Variants in CCDC178 observed in about 807,000 individuals in gnomAD.
CCDC178 encodes coiled-coil domain-containing protein 178.
CCDC178 carries 126 observed loss-of-function variants against 117.4 expected under a neutral mutation model. The ratio of observed to expected loss-of-function variants is 1.07; its 90% CI spans 0.93 to 1.24. The LOEUF (loss-of-function observed/expected upper bound fraction) is 1.24. CCDC178 is among the 50% of genes most tolerant of loss of function. The pLI, the probability that CCDC178 is intolerant of heterozygous loss-of-function variation, is 0.00. For missense variants in CCDC178, 1,030 were observed against 986.9 expected (o/e 1.04, Z -0.59); for synonymous variants, 283 against 313.4 (o/e 0.90, Z 1.02).
In CCDC178 at chr18:33,370,051, CT is replaced by C; in HGVS notation, c.346del (p.Arg116GlyfsTer18). The C allele has an allele frequency of 6.3e-7, 1 of 1,578,240 alleles. No individual in the cohort carries two copies. The highest frequency in any genetic ancestry group is 8.6e-7 in the Non-Finnish European group (1 of 1,164,938). ...VESKIQEHLK[R>X]FETSFEEWSR... ...CAGCATTTTAAATTAGTCTCTTACC[CT>C]TTTCAAATGCTCCTGTATTTTGGAC... is the stretch of plus-strand genomic sequence containing the variant. On this transcript the variant is annotated frameshift_variant and splice_region_variant, in exon 6 of 23. Transcript: ENST00000383096. LOFTEE classifies it high-confidence loss of function.
intron 21 of CCDC178, among the ~76,000 whole-genome samples, chr18:33,022,679 A>G (rs1053794108): frequency 4.1e-4 from 62 of 152,174 alleles, no homozygotes; most frequent in Non-Finnish European, 8.4e-4. Flanking sequence ...TGAGAAATGA[A>G]AACAGAAAAC....
chr18:33,142,938 T>A (rs2058225034), intron 20 of CCDC178, among the ~76,000 whole-genome samples: 1 of 152,156 alleles, frequency 6.6e-6, no homozygotes, highest in Non-Finnish European at 1.5e-5. Flanking sequence ...TGTCAAGGTA[T>A]CCATATTTTT....
chr18:33,306,412 TTGTGTGTGTGTGTGTGTGTGTG>T (rs71159815), intron 11 of CCDC178, among the ~76,000 whole-genome samples: 1 of 126,252 alleles, frequency 7.9e-6, no homozygotes, highest in African/African-American at 3.0e-5. Flanking sequence ...TATTGGATCT[TTGTGTGTGTGTGTGTGTGTGTG>T]TGTGTGTGTG....
chr18:32,957,612 TAAC>T (rs923534947), intron 22 of CCDC178, among the ~76,000 whole-genome samples: 19 of 152,214 alleles, frequency 1.2e-4, no homozygotes, highest in Non-Finnish European at 2.1e-4. Context: ...AATCAATTTT[TAAC>T]AACATTAGGA....
intron 22 of CCDC178, among the ~76,000 whole-genome samples, chr18:32,958,399 C>T (rs1311604666): frequency 6.6e-6 from 1 of 152,178 alleles, no homozygotes; most frequent in African/African-American, 2.4e-5. Flanking sequence ...AAACCAGTGT[C>T]TTTAAATAAG....
chr18:33,407,692 AATAG>A (rs1433626833), intron 3 of CCDC178, among the ~76,000 whole-genome samples: 7 of 152,038 alleles, frequency 4.6e-5, no homozygotes, highest in Non-Finnish European at 1.0e-4. Context: ...TATTTAACCA[AATAG>A]ATTTTTAAAA....
intron 21 of CCDC178, among the ~76,000 whole-genome samples, chr18:33,056,581 T>C (rs117004863): frequency 0.013 from 2,012 of 152,160 alleles, 25 homozygotes; most frequent in Non-Finnish European, 0.021. Flanking sequence ...GGATAAATAA[T>C]AAAAGTGAGA....
intron 20 of CCDC178, among the ~76,000 whole-genome samples, chr18:33,101,726 G>A (rs555022582): frequency 6.6e-6 from 1 of 152,052 alleles, no homozygotes; most frequent in East Asian, 1.9e-4. Context: ...TGCAGAAATT[G>A]TAAGAACAGT....
At position 33,230,052 on chromosome 18, in the gene CCDC178, CA is replaced by C. The variant is rs1270530700; in HGVS notation, c.1594-3198del. ...TGAAATACTGATTGCCTACATTGGG[CA>C]AAATCCTCTAACCTAAGGCTATTTT... On this transcript the variant is annotated intron_variant, in intron 15 of 22. Transcript: ENST00000383096. 2.0e-5 allele frequency among the ~76,000 whole-genome samples: 3 copies of C among 152,242 alleles called. No individual in the cohort carries two copies. In the East Asian group the frequency reaches 5.8e-4, roughly 29 times the overall value.
chr18:33,031,025 T>C (rs912404889), intron 21 of CCDC178, among the ~76,000 whole-genome samples: 2 of 152,124 alleles, frequency 1.3e-5, no homozygotes, highest in Admixed American at 1.3e-4. Context: ...TGTTAAGTCC[T>C]GGAGTCCAAA....
chr18:33,116,131 A>G (rs2145145490), intron 20 of CCDC178, among the ~76,000 whole-genome samples: 1 of 152,216 alleles, frequency 6.6e-6, no homozygotes, highest in East Asian at 1.9e-4. Context: ...GCACAGATTT[A>G]CCAACCCAGG....
chr18:33,331,199 T>C (rs2062664538), intron 10 of CCDC178, among the ~76,000 whole-genome samples: 1 of 152,012 alleles, frequency 6.6e-6, no homozygotes, highest in South Asian at 2.1e-4. Flanking sequence ...AAAACACATA[T>C]AGACAAAATT....
chr18:33,323,956 C>T (rs2062551928), intron 10 of CCDC178, among the ~76,000 whole-genome samples: 1 of 151,718 alleles, frequency 6.6e-6, no homozygotes, highest in Non-Finnish European at 1.5e-5. Context: ...TGAAATATCG[C>T]AAACAAAGTG....
At chr18:32,959,157 A>G (rs1215456576) in intron 22 of CCDC178, among the ~76,000 whole-genome samples, 6 of 152,098 alleles carry the variant, frequency 3.9e-5, no homozygotes, top group Admixed American at 2.6e-4. Context: ...GATCATAAGC[A>G]CTCATTTGGA....
chr18:32,995,939 C>CTATATG lies in CCDC178; in HGVS notation c.2389-21259_2389-21258insCATATA, dbSNP rs1381996238. 3.3e-5 allele frequency among the ~76,000 whole-genome samples: 5 copies of CTATATG among 151,516 alleles called. No individual in the cohort carries two copies. In the East Asian group the frequency reaches 9.7e-4, roughly 29 times the overall value. ...TCTATATCTATATCTATATCTATAT[C>CTATATG]TATATCTATGTCTCTCTCTATATTT... On this transcript the variant is annotated intron_variant, in intron 21 of 22. Coordinates refer to ENST00000383096, the MANE Select transcript of CCDC178 (RefSeq NM_001105528.4).
intron 20 of CCDC178, among the ~76,000 whole-genome samples, chr18:33,184,862 C>T (rs139004289): frequency 6.6e-5 from 10 of 152,102 alleles, no homozygotes; most frequent in African/African-American, 1.9e-4. Flanking sequence ...GCAAAGTGGT[C>T]ATTATTCAGG....
chr18:33,322,448 A>T (rs1252537104), intron 11 of CCDC178, among the ~76,000 whole-genome samples: 1 of 151,836 alleles, frequency 6.6e-6, no homozygotes, highest in East Asian at 1.9e-4. Context: ...GTTATTCTCA[A>T]TTACACAAGG....
chr18:33,269,732 C>CTA (rs1377248006), intron 12 of CCDC178, among the ~76,000 whole-genome samples: 2 of 151,746 alleles, frequency 1.3e-5, no homozygotes, highest in Non-Finnish European at 2.9e-5. Context: ...ACAAAGATTA[C>CTA]TACTTCAGCA....
At chr18:33,427,730 A>G (rs2064141683) in intron 2 of CCDC178, among the ~76,000 whole-genome samples, 1 of 152,192 alleles carries the variant, frequency 6.6e-6, no homozygotes, top group South Asian at 2.1e-4. Flanking sequence ...ATATATCCAC[A>G]AAGATATCTC....
Sources: allele counts gnomAD v4.1 joint callset (sites outside exome capture counted in the v4.1 genomes callset), GRCh38; gene constraint gnomAD v4.1.1; transcripts MANE v1.5; gene names NCBI Gene and HGNC (gene_info 2026-07-23, HGNC 2026-07-21).